The following SGMS1 variants were observed in gnomAD, a reference collection of about 807,000 sequenced individuals.
The protein encoded by SGMS1 is phosphatidylcholine:ceramide cholinephosphotransferase 1.
A neutral mutation model predicts 46.2 loss-of-function variants in SGMS1; 13 were observed. That is an observed-to-expected ratio of 0.28 (90% CI 0.18 to 0.45). The LOEUF (loss-of-function observed/expected upper bound fraction) is 0.45. Among genes scored for constraint, SGMS1 ranks in the 20% least tolerant of loss-of-function variants. The pLI is 1.00. For missense variants in SGMS1, 324 were observed against 519.9 expected, an observed-to-expected ratio of 0.62 and a Z score of 3.66; for synonymous variants, 203 against 187.8, an observed-to-expected ratio of 1.08 and a Z score of -0.66.
intron 5 of SGMS1, among the ~76,000 whole-genome samples, chr10:50,458,804 A>T (rs1325034730): frequency 6.6e-6 from 1 of 152,186 alleles, no homozygotes. Flanking sequence ...ACATCTACTA[A>T]TTTAATGAGA....
chr10:50,350,740 T>C (rs1898197), intron 6 of SGMS1, among the ~76,000 whole-genome samples: 23,378 of 152,126 alleles, frequency 0.15, 2,134 homozygotes, highest in Admixed American at 0.23. Flanking sequence ...AAGTCAAGAA[T>C]TGAGGTTTGG....
chr10:50,536,191 A>G (rs981442076), intron 2 of SGMS1, among the ~76,000 whole-genome samples: 6 of 151,918 alleles, frequency 3.9e-5, no homozygotes, highest in Non-Finnish European at 8.8e-5. Context: ...AAATTAGTCA[A>G]AAATGGTGGT....
At chr10:50,603,581 T>C (rs576111908) in intron 1 of SGMS1, among the ~76,000 whole-genome samples, 68 of 152,092 alleles carry the variant, frequency 4.5e-4, no homozygotes, top group African/African-American at 1.6e-3. Context: ...AGATACAGTA[T>C]CAAAAACCGT....
intron 7 of SGMS1, among the ~76,000 whole-genome samples, chr10:50,338,388 G>A (rs949996415): frequency 6.6e-6 from 1 of 152,068 alleles, no homozygotes; most frequent in Non-Finnish European, 1.5e-5. Context: ...GCAAATGTCT[G>A]ACCCAAAAGA....
At chr10:50,317,459 A>C (rs1461040686) in intron 8 of SGMS1, among the ~76,000 whole-genome samples, 2 of 152,220 alleles carry the variant, frequency 1.3e-5, no homozygotes, top group African/African-American at 4.8e-5. Context: ...CTTACCGACC[A>C]GTACATGAGG....
At chr10:50,555,898 T>C (rs1838185783) in intron 2 of SGMS1, among the ~76,000 whole-genome samples, 1 of 152,240 alleles carries the variant, frequency 6.6e-6, no homozygotes, top group African/African-American at 2.4e-5. Context: ...ACAATTTGCT[T>C]TGTAAAAGAA....
chr10:50,584,214 G>A (rs1429218735), intron 2 of SGMS1, among the ~76,000 whole-genome samples: 1 of 152,082 alleles, frequency 6.6e-6, no homozygotes, highest in Non-Finnish European at 1.5e-5. Context: ...TCCTAAAGAA[G>A]ATTGGCTGGG....
chr10:50,513,172 T>C (rs948254380), intron 3 of SGMS1, among the ~76,000 whole-genome samples: 2 of 152,152 alleles, frequency 1.3e-5, no homozygotes, highest in Non-Finnish European at 2.9e-5. Flanking sequence ...GCTTATACTC[T>C]CTCTGTCCTC....
intron 6 of SGMS1, among the ~76,000 whole-genome samples, chr10:50,367,504 T>C (rs1848364935): frequency 6.6e-6 from 1 of 152,152 alleles, no homozygotes; most frequent in South Asian, 2.1e-4. Context: ...ACCATGTTCT[T>C]TGCTCCCATA....
chr10:50,435,419 CAG>C (rs1174036810), intron 5 of SGMS1, among the ~76,000 whole-genome samples: 3 of 152,324 alleles, frequency 2.0e-5, no homozygotes, highest in Admixed American at 1.3e-4. Flanking sequence ...ATTAAATTCA[CAG>C]ACTCTTTCCT....
intron 3 of SGMS1, among the ~76,000 whole-genome samples, chr10:50,492,405 C>T (rs1347370541): frequency 6.6e-6 from 1 of 152,214 alleles, no homozygotes; most frequent in Non-Finnish European, 1.5e-5. Flanking sequence ...ATCTAGAAAA[C>T]CCCATCGTCT....
rs113480576 is a variant in SGMS1, at chr10:50,338,905, A to C, written c.623+4587T>G. Among the ~76,000 whole-genome samples the C allele has an allele frequency of 8.2e-3, 1,247 of 152,048 alleles. 20 individuals carry two copies. The highest frequency in any genetic ancestry group is 0.027 in the African/African-American group (1,134 of 41,466). On this transcript the variant is annotated intron_variant, in intron 7 of 10. Transcript: ENST00000361781. Reference sequence around the variant, plus strand: ...CAGGTATGTGCCATCACGCCCAGCTAATTTTGTATTTCTAGTAGAGATGGG... The same window carrying C: ...CAGGTATGTGCCATCACGCCCAGCTCATTTTGTATTTCTAGTAGAGATGGG...
chr10:50,551,336 A>G (rs1323673097), intron 2 of SGMS1, among the ~76,000 whole-genome samples: 1 of 151,498 alleles, frequency 6.6e-6, no homozygotes, highest in Non-Finnish European at 1.5e-5. Context: ...GGGACATTCT[A>G]TGAAACACCT....
chr10:50,401,428 A>C (rs1204200156), intron 6 of SGMS1, among the ~76,000 whole-genome samples: 2 of 152,138 alleles, frequency 1.3e-5, no homozygotes, highest in East Asian at 3.8e-4. Context: ...GCTCGGAGAG[A>C]GTTTGTTCCT....
Position 50,371,089 on chromosome 10 carries a change from G to T in SGMS1, c.-231-26744C>A, listed in dbSNP as rs114321090. On this transcript the variant is annotated intron_variant, in intron 6 of 10. Transcript: ENST00000361781. Reference sequence around the variant, plus strand: ...AATTATATATGCTATGCTTTTATACGGATGGCAGTGCAGTAGGTTTGTTTA... The same window carrying T: ...AATTATATATGCTATGCTTTTATACTGATGGCAGTGCAGTAGGTTTGTTTA... Among the ~76,000 whole-genome samples the T allele has an allele frequency of 8.2e-3, 1,250 of 152,228 alleles. 24 individuals carry two copies. Among genetic ancestry groups the T allele is most frequent in the African/African-American group, 0.028 (1,172 of 41,510 alleles).
chr10:50,331,903 A>G (rs2133326780), intron 7 of SGMS1, among the ~76,000 whole-genome samples: 1 of 152,352 alleles, frequency 6.6e-6, no homozygotes, highest in South Asian at 2.1e-4. Flanking sequence ...GATACTAATC[A>G]GCCTGCACCT....
intron 2 of SGMS1, among the ~76,000 whole-genome samples, chr10:50,542,149 A>G (rs937735894): frequency 5.3e-5 from 8 of 152,186 alleles, no homozygotes; most frequent in African/African-American, 1.9e-4. Context: ...TCATGGGGGA[A>G]AAGAAACTGA....
chr10:50,483,233 C>T (rs992968306), intron 3 of SGMS1, among the ~76,000 whole-genome samples: 4 of 152,104 alleles, frequency 2.6e-5, no homozygotes, highest in Admixed American at 6.6e-5. Flanking sequence ...GCATGCACCA[C>T]CATACTTGGC....
intron 1 of SGMS1, among the ~76,000 whole-genome samples, chr10:50,616,915 A>AAT (rs1269606644): frequency 6.6e-6 from 1 of 152,206 alleles, no homozygotes; most frequent in Non-Finnish European, 1.5e-5. Context: ...TATTCAATGC[A>AAT]ATGCCCATCA....
Sources: allele counts gnomAD v4.1 joint callset (sites outside exome capture counted in the v4.1 genomes callset), GRCh38; gene constraint gnomAD v4.1.1; transcripts MANE v1.5; gene names NCBI Gene and HGNC (gene_info 2026-07-23, HGNC 2026-07-21).